The following OSTN variants were observed in gnomAD, a reference collection of about 807,000 sequenced individuals.
OSTN encodes osteocrin.
In OSTN, 9 loss-of-function variants were observed where a neutral mutation model predicts 12.0. The ratio of observed to expected loss-of-function variants is 0.75; its 90% confidence interval spans 0.45 to 1.30. The LOEUF (loss-of-function observed/expected upper bound fraction) is 1.30. Among genes scored for constraint, OSTN ranks in the 50% most tolerant of loss-of-function variants. OSTN has a pLI of 0.00. For missense variants in OSTN, 148 were observed against 152.3 expected, an observed-to-expected ratio of 0.97 and a Z score of 0.15; for synonymous variants, 59 against 56.9, an observed-to-expected ratio of 1.04 and a Z score of -0.16.
intron 1 of OSTN, among the ~76,000 whole-genome samples, chr3:191,207,729 G>C (rs981973501): frequency 3.9e-5 from 6 of 151,918 alleles, no homozygotes; most frequent in Non-Finnish European, 1.5e-5. Flanking sequence ...CTTTATTGCT[G>C]GAATTTCAGA....
intron 3 of OSTN, among the ~76,000 whole-genome samples, chr3:191,239,454 T>C (rs1455264372): frequency 3.9e-5 from 6 of 152,110 alleles, no homozygotes; most frequent in Admixed American, 2.0e-4. Context: ...ACAGCCATTT[T>C]CAAATTAAAC....
At chr3:191,231,455 AT>A (rs1319549103) in intron 3 of OSTN, among the ~76,000 whole-genome samples, 1 of 152,118 alleles carries the variant, frequency 6.6e-6, no homozygotes. Flanking sequence ...TTTCATAAAA[AT>A]AAAATTTTAT....
chr3:191,222,983 C>A (rs1226125901), intron 3 of OSTN, among the ~76,000 whole-genome samples: 1 of 152,054 alleles, frequency 6.6e-6, no homozygotes, highest in South Asian at 2.1e-4. Flanking sequence ...GAGGCTTCCC[C>A]AGCCCTGTGG....
At chr3:191,237,649 T>G (rs987654761) in intron 3 of OSTN, among the ~76,000 whole-genome samples, 1 of 152,200 alleles carries the variant, frequency 6.6e-6, no homozygotes, top group African/African-American at 2.4e-5. Flanking sequence ...CCTTTTGACC[T>G]CTTAAAGCGC....
chr3:191,221,590 G>A (rs986113939), intron 3 of OSTN, among the ~76,000 whole-genome samples: 1 of 152,154 alleles, frequency 6.6e-6, no homozygotes, highest in Non-Finnish European at 1.5e-5. Flanking sequence ...CTAGAGGTCT[G>A]AGGAACTTTG....
At chr3:191,203,778 AGTT>A (rs1228046198) in intron 1 of OSTN, among the ~76,000 whole-genome samples, 1 of 152,350 alleles carries the variant, frequency 6.6e-6, no homozygotes, top group East Asian at 1.9e-4. Flanking sequence ...TGAAAATGAA[AGTT>A]GTTGTTCTGG....
intron 3 of OSTN, among the ~76,000 whole-genome samples, chr3:191,233,430 T>A (rs1715110020): frequency 6.6e-6 from 1 of 152,114 alleles, no homozygotes; most frequent in Non-Finnish European, 1.5e-5. Flanking sequence ...ACCATTTTAT[T>A]TCTGTTTTCT....
intron 4 of OSTN, 93 bp downstream of exon 4, chr3:191,250,226 C>A: frequency 1.0e-6 from 1 of 955,790 alleles, no homozygotes; most frequent in East Asian, 2.5e-5. Flanking sequence ...ATAAATCCCC[C>A]TTTTGATTTC....
chr3:191,232,785 T>C (rs2108542180), intron 3 of OSTN, among the ~76,000 whole-genome samples: 1 of 152,098 alleles, frequency 6.6e-6, no homozygotes, highest in East Asian at 1.9e-4. Flanking sequence ...TGGCTAATTT[T>C]TGTATTTTTA....
chr3:191,255,254 T>C (rs1715645343), intron 4 of OSTN, among the ~76,000 whole-genome samples: 1 of 152,202 alleles, frequency 6.6e-6, no homozygotes, highest in Admixed American at 6.5e-5. Flanking sequence ...GTGGTAATGC[T>C]CACTTGCCCA....
intron 3 of OSTN, among the ~76,000 whole-genome samples, chr3:191,239,815 C>G (rs1275250282): frequency 6.6e-6 from 1 of 152,160 alleles, no homozygotes; most frequent in Non-Finnish European, 1.5e-5. Context: ...TTCACTCCTT[C>G]CCAGGGAAGG....
intron 1 of OSTN, among the ~76,000 whole-genome samples, chr3:191,205,879 A>G (rs1714261794): frequency 1.3e-5 from 2 of 152,058 alleles, no homozygotes; most frequent in Admixed American, 6.6e-5. Context: ...AAAAAAAGAG[A>G]AGTAAGAAAA....
chr3:191,224,897 A>C (rs1714871542), intron 3 of OSTN, among the ~76,000 whole-genome samples: 1 of 152,120 alleles, frequency 6.6e-6, no homozygotes, highest in Non-Finnish European at 1.5e-5. Flanking sequence ...AATACAAATA[A>C]TGCAAATATT....
At chr3:191,231,050 A>G (rs935561477) in intron 3 of OSTN, among the ~76,000 whole-genome samples, 2 of 152,172 alleles carry the variant, frequency 1.3e-5, no homozygotes, top group Admixed American at 1.3e-4. Context: ...TTGATAATTT[A>G]TGCATTCAAG....
At chr3:191,250,294 ATGT>A (rs1715530379) in intron 4 of OSTN, among the ~76,000 whole-genome samples, 161 bp downstream of exon 4, 1 of 152,208 alleles carries the variant, frequency 6.6e-6, no homozygotes, top group Non-Finnish European at 1.5e-5. Context: ...TAGTATATTA[ATGT>A]TAAATAACTT....
intron 3 of OSTN, among the ~76,000 whole-genome samples, chr3:191,227,200 GA>G (rs1034375391): frequency 1.3e-5 from 2 of 152,102 alleles, no homozygotes; most frequent in Admixed American, 1.3e-4. Context: ...GTCAATTCAT[GA>G]AAAAAATGCA....
chr3:191,223,219 C>T (rs983356904), intron 3 of OSTN, among the ~76,000 whole-genome samples: 38 of 152,020 alleles, frequency 2.5e-4, no homozygotes, highest in African/African-American at 8.7e-4. Context: ...AATTAGCAAG[C>T]GTTTAATAGC....
Position 191,262,777 on chromosome 3 carries a change from CTT to C in OSTN, c.*13-88_*13-87del, listed in dbSNP as rs1227411432. The C allele has an allele frequency of 1.3e-5, 9 of 682,306 alleles. No individual in the cohort carries two copies. The Admixed American group carries it at 1.7e-4, about 13-fold the overall frequency. 42.3% of individuals were successfully genotyped at this position (682,306 alleles called of 1,614,324 possible). ...TAATGAAACAGCATGTAATTAAAGA[CTT>C]AACTCTTCTCAAGTGAAGTTGATGG... On this transcript the variant is annotated intron_variant, in intron 4 of 4. Coordinates refer to ENST00000682035, the MANE Select transcript of OSTN (RefSeq NM_198184.2).
chr3:191,257,751 C>T (rs1374014458), intron 4 of OSTN, among the ~76,000 whole-genome samples: 1 of 151,884 alleles, frequency 6.6e-6, no homozygotes, highest in African/African-American at 2.4e-5. Context: ...ATTATTTTAC[C>T]AATAATTTTA....
Sources: allele counts gnomAD v4.1 joint callset (sites outside exome capture counted in the v4.1 genomes callset), GRCh38; gene constraint gnomAD v4.1.1; transcripts MANE v1.5; gene names NCBI Gene and HGNC (gene_info 2026-07-23, HGNC 2026-07-21).